Variants in IQCM observed in about 807,000 individuals in gnomAD.
The protein encoded by IQCM is IQ motif containing M.
A neutral mutation model predicts 57.6 loss-of-function variants in IQCM; 45 were observed. The observed-to-expected ratio is 0.78, with a 90% CI of 0.62 to 1.00. IQCM has a LOEUF of 1.00. Ranked by LOEUF, IQCM falls within the 50% of genes least tolerant of loss-of-function variation. The pLI, the probability that IQCM is intolerant of heterozygous loss-of-function variation, is 0.00. For synonymous variants in IQCM, 148 were observed against 158.9 expected (o/e 0.93, Z 0.51); for missense variants, 468 against 511.6 (o/e 0.91, Z 0.82).
intron 13 of IQCM, among the ~76,000 whole-genome samples, chr4:149,402,519 G>T (rs891686118): frequency 6.6e-6 from 1 of 151,766 alleles, no homozygotes; most frequent in Admixed American, 6.6e-5. Flanking sequence ...TCCCATGAAG[G>T]TGAAGGGGTT....
At chr4:149,812,690 C>G (rs1274070673) in intron 2 of IQCM, among the ~76,000 whole-genome samples, 2 of 152,094 alleles carry the variant, frequency 1.3e-5, no homozygotes, top group Non-Finnish European at 2.9e-5. Flanking sequence ...TTAGGACTAC[C>G]TTTTTGCTTT....
chr4:149,693,764 T>C (rs1561164922), intron 5 of IQCM, among the ~76,000 whole-genome samples: 2 of 152,232 alleles, frequency 1.3e-5, no homozygotes. Context: ...TCCTATTTTA[T>C]ATACCATTGT....
chr4:149,451,914 G>A (rs957236157), intron 12 of IQCM, among the ~76,000 whole-genome samples: 2 of 151,620 alleles, frequency 1.3e-5, no homozygotes, highest in Admixed American at 1.3e-4. Context: ...TCTTAGAAGC[G>A]AAGCAATAAA....
chr4:149,427,368 G>A (rs1214435913), intron 13 of IQCM, among the ~76,000 whole-genome samples: 3 of 151,940 alleles, frequency 2.0e-5, no homozygotes, highest in Non-Finnish European at 4.4e-5. Flanking sequence ...AAGCAGTATT[G>A]AGTGGTGGAT....
At chr4:149,798,066 G>A (rs1773274902) in intron 2 of IQCM, among the ~76,000 whole-genome samples, 1 of 151,970 alleles carries the variant, frequency 6.6e-6, no homozygotes, top group South Asian at 2.1e-4. Context: ...ACTGTGGTGT[G>A]TAAACTACTT....
At chr4:149,763,456 A>G (rs1282388450) in intron 2 of IQCM, among the ~76,000 whole-genome samples, 1 of 152,106 alleles carries the variant, frequency 6.6e-6, no homozygotes, top group Non-Finnish European at 1.5e-5. Flanking sequence ...GAAAAGCACA[A>G]TGAGTGGAGG....
intron 12 of IQCM, among the ~76,000 whole-genome samples, chr4:149,546,395 A>T (rs1376917028): frequency 2.0e-5 from 3 of 152,198 alleles, no homozygotes; most frequent in Admixed American, 6.5e-5. Flanking sequence ...GAATCGCCAC[A>T]CTGTCTTCCA....
chr4:149,568,587 G>C (rs928257064), intron 9 of IQCM, among the ~76,000 whole-genome samples: 1 of 152,070 alleles, frequency 6.6e-6, no homozygotes, highest in Non-Finnish European at 1.5e-5. Context: ...AGGAGTTCAA[G>C]ACCAGCCTGA....
At chr4:149,669,450 A>T (rs575196711) in intron 7 of IQCM, among the ~76,000 whole-genome samples, 1 of 151,974 alleles carries the variant, frequency 6.6e-6, no homozygotes, top group Non-Finnish European at 1.5e-5. Flanking sequence ...GATGGTAGTT[A>T]CTTTTGCTAT....
chr4:149,573,783 AT>A (rs1042280841), intron 9 of IQCM, among the ~76,000 whole-genome samples: 8 of 146,202 alleles, frequency 5.5e-5, no homozygotes, highest in Non-Finnish European at 1.1e-4. Context: ...AAAAAAAAAA[AT>A]TAAAATTAAA....
chr4:149,609,471 T>C (rs2150049765), intron 8 of IQCM, among the ~76,000 whole-genome samples: 1 of 151,826 alleles, frequency 6.6e-6, no homozygotes, highest in East Asian at 1.9e-4. Flanking sequence ...ATCTTGACCA[T>C]AGATACAAAA....
At chr4:149,548,956 AC>A (rs776715925) in intron 11 of IQCM, among the ~76,000 whole-genome samples, 163 of 152,236 alleles carry the variant, frequency 1.1e-3, no homozygotes, top group Non-Finnish European at 1.9e-3. Context: ...TAGCTGCTCT[AC>A]TTTTTTCATC....
rs555532602 is a variant in IQCM at position 149,445,886 on chromosome 4, A to G, written c.1229-12329T>C. On this transcript the variant is annotated intron_variant, in intron 12 of 13. Coordinates refer to ENST00000636793, the MANE Select transcript of IQCM (RefSeq NM_001363507.2). Reference sequence around the variant, plus strand: ...CAGCTGCCCATTCACTTATTTTGTCATATGATCTGCTACTGATCTGGTTTT... The same window carrying G: ...CAGCTGCCCATTCACTTATTTTGTCGTATGATCTGCTACTGATCTGGTTTT... Among the ~76,000 whole-genome samples, 8 of 151,858 alleles carry G rather than the reference A, an allele frequency of 5.3e-5. No homozygotes were observed. In the East Asian group the frequency reaches 1.6e-3, roughly 29 times the overall value.
At chr4:149,444,288 T>G (rs1206096580) in intron 12 of IQCM, among the ~76,000 whole-genome samples, 2 of 151,870 alleles carry the variant, frequency 1.3e-5, no homozygotes, top group Non-Finnish European at 2.9e-5. Context: ...ATATATAAAT[T>G]TGTCAGTTTA....
intron 13 of IQCM, among the ~76,000 whole-genome samples, chr4:149,390,573 T>A (rs1480928516): frequency 6.6e-6 from 1 of 152,010 alleles, no homozygotes; most frequent in Non-Finnish European, 1.5e-5. Flanking sequence ...TTTCATAGAT[T>A]GGCTTTATCA....
chr4:149,510,935 T>G lies in IQCM; in HGVS notation c.1228+37520A>C, dbSNP rs557602214. On this transcript the variant is annotated intron_variant, in intron 12 of 13. Coordinates refer to ENST00000636793, the MANE Select transcript of IQCM (RefSeq NM_001363507.2). ...ATTACTTGTCTCTTTCTATACTCTG[T>G]TATTTGAAAGCAAGTCACTAAAGGC... Among the ~76,000 whole-genome samples, 23 of 152,348 alleles carry G rather than the reference T, an allele frequency of 1.5e-4. No individual in the cohort carries two copies. The East Asian group carries it at 3.7e-3, about 24-fold the overall frequency.
At chr4:149,532,100 C>T (rs1438143378) in intron 12 of IQCM, among the ~76,000 whole-genome samples, 3 of 151,978 alleles carry the variant, frequency 2.0e-5, no homozygotes, top group South Asian at 2.1e-4. Flanking sequence ...GCTTGGCCGG[C>T]TCTGCAAGTG....
chr4:149,390,258 A>G (rs549742854), intron 13 of IQCM, among the ~76,000 whole-genome samples: 1 of 152,124 alleles, frequency 6.6e-6, no homozygotes, highest in South Asian at 2.1e-4. Flanking sequence ...TTGTTTAATT[A>G]CTAATTACTG....
intron 7 of IQCM, among the ~76,000 whole-genome samples, chr4:149,644,506 T>G (rs1758473509): frequency 6.6e-6 from 1 of 152,254 alleles, no homozygotes; most frequent in South Asian, 2.1e-4. Context: ...TGCATGCAAA[T>G]GTAGATTGTC....
Sources: allele counts gnomAD v4.1 joint callset (sites outside exome capture counted in the v4.1 genomes callset), GRCh38; gene constraint gnomAD v4.1.1; transcripts MANE v1.5; gene names NCBI Gene and HGNC (gene_info 2026-07-23, HGNC 2026-07-21).